Variants in ZBTB20 observed in about 807,000 individuals in gnomAD.
ZBTB20 encodes zinc finger and BTB domain containing 20.
ZBTB20 carries 9 observed loss-of-function variants against 56.9 expected under a neutral mutation model. That is an observed-to-expected ratio of 0.16 (90% CI 0.10 to 0.28). ZBTB20 has a LOEUF of 0.28. Ranked by LOEUF, ZBTB20 falls within the 10% of genes least tolerant of loss-of-function variation. The probability of loss-of-function intolerance (pLI) is 1.00; values close to 1 mark genes in which losing one functional copy is unlikely to be tolerated. For synonymous variants in ZBTB20, 417 were observed against 420.7 expected, an observed-to-expected ratio of 0.99 and a Z score of 0.11; for missense variants, 655 against 1,003.0, an observed-to-expected ratio of 0.65 and a Z score of 4.69.
chr3:114,680,920 G>A (rs1321063459), intron 6 of ZBTB20, among the ~76,000 whole-genome samples: 1 of 152,124 alleles, frequency 6.6e-6, no homozygotes, highest in Admixed American at 6.5e-5. Context: ...TAATGCATGA[G>A]TGCCTGTGGT....
rs367882842 is a variant in ZBTB20 at position 114,330,983 on chromosome 3, A to G, written c.*8022T>C. ...ATTGGTTTGCTAGACATGGTAAACA[A>G]CCCACTCCTGGAAAGACTTTGGCAA... On this transcript the variant is annotated 3_prime_UTR_variant, in exon 12 of 12. Transcript: ENST00000675478. 6.6e-6 allele frequency: 1 copy of G among 152,262 alleles called. No homozygotes were observed. Among genetic ancestry groups the G allele is most frequent in the African/African-American group, 2.4e-5 (1 of 41,468 alleles). The allele number at this position is 152,262 out of a possible 1,614,324, so 9.4% of individuals were successfully genotyped here. A position where few individuals can be genotyped will look rare whatever the true frequency, so the allele number is the denominator to read the frequency against.
intron 6 of ZBTB20, among the ~76,000 whole-genome samples, chr3:114,617,317 T>A (rs974928217): frequency 2.0e-5 from 3 of 152,196 alleles, no homozygotes; most frequent in Non-Finnish European, 4.4e-5. Flanking sequence ...TATTTCTAGT[T>A]AACTGCCTTT....
intron 7 of ZBTB20, among the ~76,000 whole-genome samples, chr3:114,447,037 C>G (rs1378014509): frequency 6.6e-6 from 1 of 152,092 alleles, no homozygotes; most frequent in Non-Finnish European, 1.5e-5. Context: ...TCTATTGGTA[C>G]TGAAAACAAT....
At chr3:114,961,112 TAA>T (rs145203846) in intron 3 of ZBTB20, among the ~76,000 whole-genome samples, 43 of 137,002 alleles carry the variant, frequency 3.1e-4, no homozygotes, top group Non-Finnish European at 2.5e-4. Context: ...CTTCTACAGG[TAA>T]AAAAAAAAAA....
chr3:114,745,264 C>A (rs1400041861), intron 5 of ZBTB20, among the ~76,000 whole-genome samples: 1 of 152,168 alleles, frequency 6.6e-6, no homozygotes, highest in Non-Finnish European at 1.5e-5. Context: ...GTTCCACAAA[C>A]AATGCTTACC....
At chr3:114,646,353 AG>A (rs149395101) in intron 6 of ZBTB20, among the ~76,000 whole-genome samples, 8,728 of 152,252 alleles carry the variant, frequency 0.057, 332 homozygotes, top group Middle Eastern at 0.15. Context: ...TCTTCTGTGT[AG>A]GTAGAGTTTG....
intron 6 of ZBTB20, among the ~76,000 whole-genome samples, chr3:114,526,133 G>A (rs1053404578): frequency 1.3e-5 from 2 of 152,018 alleles, no homozygotes; most frequent in Non-Finnish European, 2.9e-5. Context: ...TCCTTGGCCT[G>A]GTTCTTCTCC....
intron 7 of ZBTB20, among the ~76,000 whole-genome samples, chr3:114,443,887 A>G (rs1325431761): frequency 1.3e-5 from 2 of 152,204 alleles, no homozygotes; most frequent in South Asian, 2.1e-4. Flanking sequence ...AATTAAGTAC[A>G]TTGCCTAAAA....
chr3:115,122,382 ATTCTC>A (rs1166304211), intron 1 of ZBTB20, among the ~76,000 whole-genome samples: 6 of 152,112 alleles, frequency 3.9e-5, no homozygotes, highest in South Asian at 2.1e-4. Context: ...CGACCGTCTA[ATTCTC>A]TTCTCTTATC....
chr3:114,980,737 AAAAG>A (rs1356197214), intron 2 of ZBTB20, among the ~76,000 whole-genome samples: 1 of 151,950 alleles, frequency 6.6e-6, no homozygotes, highest in Non-Finnish European at 1.5e-5. Context: ...CTTCAAGAAA[AAAAG>A]AATGAATAAA....
intron 2 of ZBTB20, among the ~76,000 whole-genome samples, chr3:115,042,560 T>A (rs1277741143): frequency 2.0e-5 from 3 of 152,148 alleles, no homozygotes; most frequent in Admixed American, 2.0e-4. Context: ...TTGAGTACAT[T>A]CCAAAACAAT....
At chr3:114,544,498 TTTTC>T (rs1216716206) in intron 6 of ZBTB20, among the ~76,000 whole-genome samples, 15 of 111,686 alleles carry the variant, frequency 1.3e-4, no homozygotes, top group East Asian at 6.9e-4. Flanking sequence ...ACTTTCTTTC[TTTTC>T]TTTCTTTCTT....
intron 1 of ZBTB20, among the ~76,000 whole-genome samples, chr3:115,090,078 A>G (rs753541313): frequency 6.6e-6 from 1 of 151,840 alleles, no homozygotes; most frequent in Non-Finnish European, 1.5e-5. Context: ...AAGCCCAAAT[A>G]CCAGTCTAGA....
At chr3:115,101,526 C>G (rs2083582517) in intron 1 of ZBTB20, among the ~76,000 whole-genome samples, 1 of 152,032 alleles carries the variant, frequency 6.6e-6, no homozygotes. Flanking sequence ...TCTCCTCGTC[C>G]CCGAATTTTT....
At chr3:114,598,743 A>G (rs561104238) in intron 6 of ZBTB20, among the ~76,000 whole-genome samples, 1 of 152,058 alleles carries the variant, frequency 6.6e-6, no homozygotes, top group Non-Finnish European at 1.5e-5. Context: ...TTAATATATC[A>G]TATTTCAAAA....
At chr3:114,342,691 T>A (rs1479636604) in intron 11 of ZBTB20, among the ~76,000 whole-genome samples, 1 of 152,052 alleles carries the variant, frequency 6.6e-6, no homozygotes, top group Non-Finnish European at 1.5e-5. Context: ...TTAAGAAAAA[T>A]TAAACTGTTC....
intron 5 of ZBTB20, among the ~76,000 whole-genome samples, chr3:114,793,098 T>C (rs2071086136): frequency 6.6e-6 from 1 of 151,990 alleles, no homozygotes; most frequent in African/African-American, 2.4e-5. Context: ...CAGGCTGGTC[T>C]CGAATTCCTA....
chr3:114,414,477 T>C (rs547815669), intron 7 of ZBTB20, among the ~76,000 whole-genome samples: 16 of 152,158 alleles, frequency 1.1e-4, no homozygotes, highest in African/African-American at 3.6e-4. Flanking sequence ...CTCCACATTT[T>C]GAAGAAAATT....
intron 6 of ZBTB20, among the ~76,000 whole-genome samples, chr3:114,565,040 T>A (rs2052553353): frequency 6.6e-6 from 1 of 152,192 alleles, no homozygotes; most frequent in Non-Finnish European, 1.5e-5. Context: ...CATCAGCACA[T>A]GCCCATCATA....
Sources: allele counts gnomAD v4.1 joint callset (sites outside exome capture counted in the v4.1 genomes callset), GRCh38; gene constraint gnomAD v4.1.1; transcripts MANE v1.5; gene names NCBI Gene and HGNC (gene_info 2026-07-23, HGNC 2026-07-21).